The following FBXO41 variants were observed in gnomAD, a reference collection of about 807,000 sequenced individuals.
FBXO41 encodes F-box protein 41, also known as F-box only protein 41.
A neutral mutation model predicts 81.6 loss-of-function variants in FBXO41; 33 were observed. That is an observed-to-expected ratio of 0.40 (90% CI 0.31 to 0.54). The LOEUF is 0.54. Among genes scored for constraint, FBXO41 ranks in the 20% least tolerant of loss-of-function variants. FBXO41 has a pLI of 0.39. For missense variants in FBXO41, 1,107 were observed against 1,236.0 expected (o/e 0.90, Z 1.56); for synonymous variants, 576 against 552.7 (o/e 1.04, Z -0.59).
intron 1 of FBXO41, among the ~76,000 whole-genome samples, chr2:73,279,365 A>G (rs1271065852): frequency 6.6e-6 from 1 of 152,226 alleles, no homozygotes; most frequent in East Asian, 1.9e-4. Context: ...ACACGGAGCC[A>G]AAAATACAGT....
At position 73,258,981 on chromosome 2, in the gene FBXO41, G is replaced by C; in HGVS notation, c.*1C>G. Reference sequence around the variant, plus strand: ...AGGGGCCCTGCCGCCCCCTACCCGGGTTAGCAGCCGCCTTCCACCTTGATG... The same window carrying C: ...AGGGGCCCTGCCGCCCCCTACCCGGCTTAGCAGCCGCCTTCCACCTTGATG... On this transcript the variant is annotated 3_prime_UTR_variant, in exon 13 of 13. Transcript: ENST00000520530. 2.5e-6 allele frequency: 4 copies of C among 1,574,964 alleles called. No homozygotes were observed. The highest frequency in any genetic ancestry group is 3.4e-6 in the Non-Finnish European group (4 of 1,160,696).
At chr2:73,276,560 C>CAG (rs533998261) in intron 1 of FBXO41, among the ~76,000 whole-genome samples, 5,646 of 106,308 alleles carry the variant, frequency 0.053, 124 homozygotes, top group East Asian at 0.1. Flanking sequence ...CAAATCTATT[C>CAG]AGAGAGAGAG....
In FBXO41 at chr2:73,260,680, C is replaced by T; in HGVS notation, c.2290+60G>A. On this transcript the variant is annotated intron_variant, in intron 10 of 12. Transcript: ENST00000520530. The surrounding 1 kb of genome is among the most constrained non-coding windows in gnomAD (Gnocchi z 5.0). The stretch of plus-strand genomic sequence containing the variant: ...CAAGCCCCTGTGGGATTTCACAAGG[C>T]AGCACTGCACCCATGCCTGCTTCCC... 1.3e-6 allele frequency: 2 copies of T among 1,510,338 alleles called. No homozygotes were observed. The highest frequency in any genetic ancestry group is 2.5e-5 in the South Asian group (2 of 78,816). 93.6% of individuals were successfully genotyped at this position (1,510,338 alleles called of 1,614,324 possible). A position where few individuals can be genotyped will look rare whatever the true frequency, so the allele number is the denominator to read the frequency against.
Position 73,260,577 on chromosome 2 carries a change from GAC to G in FBXO41, c.2291-32_2291-31del, listed in dbSNP as rs1687975769. The G allele has an allele frequency of 1.3e-6, 2 of 1,566,228 alleles. No homozygotes were observed. The highest frequency in any genetic ancestry group is 2.7e-5 in the African/African-American group (2 of 73,658). On this transcript the variant is annotated intron_variant, in intron 10 of 12. Transcript: ENST00000520530. This position sits in a 1 kb window ranked among gnomAD's most constrained non-coding sequence, Gnocchi z 5.0. ...GAAGAGGAAGAAGGGGGATCCTGCT[GAC>G]ACACTCCCCAGGTCACCCCTGCAGC...
chr2:73,267,787 G>T (rs1205304030), intron 2 of FBXO41, among the ~76,000 whole-genome samples: 1 of 152,170 alleles, frequency 6.6e-6, no homozygotes, highest in Non-Finnish European at 1.5e-5. Flanking sequence ...TTAGCCTACA[G>T]TTGGACAAAG....
intron 1 of FBXO41, among the ~76,000 whole-genome samples, chr2:73,277,197 T>C (rs2103911367): frequency 6.6e-6 from 1 of 152,304 alleles, no homozygotes; most frequent in East Asian, 1.9e-4. Context: ...CAGGTGCCTC[T>C]TCACCCCAGG....
At position 73,269,636 on chromosome 2, in the gene FBXO41, C is replaced by T; in HGVS notation, c.-6G>A. 1 of 1,194,008 alleles carries T rather than the reference C, an allele frequency of 8.4e-7. No individual in the cohort carries two copies. The highest frequency in any genetic ancestry group is 1.0e-6 in the Non-Finnish European group (1 of 963,352). The allele number at this position is 1,194,008 out of a possible 1,614,324, so 74.0% of individuals were successfully genotyped here. A position where few individuals can be genotyped will look rare whatever the true frequency, so the allele number is the denominator to read the frequency against. On this transcript the variant is annotated 5_prime_UTR_variant, in exon 2 of 13. Transcript: ENST00000520530. The surrounding 1 kb of genome is among the most constrained non-coding windows in gnomAD (Gnocchi z 7.0). ...GGCAGGTCCAGCGAGGCCATGGCCC[C>T]GCCGCCCCCGCGGCACGCGGGCTCC...
chr2:73,277,206 G>A (rs764441486), intron 1 of FBXO41, among the ~76,000 whole-genome samples: 55 of 152,196 alleles, frequency 3.6e-4, no homozygotes, highest in Admixed American at 7.9e-4. Flanking sequence ...CTTCACCCCA[G>A]GCCAGCCCTC....
At chr2:73,280,145 C>T (rs1044835263) in intron 1 of FBXO41, among the ~76,000 whole-genome samples, 2 of 151,196 alleles carry the variant, frequency 1.3e-5, no homozygotes, top group African/African-American at 4.9e-5. Flanking sequence ...CAAAACGCCA[C>T]CCTGGCAAGC....
chr2:73,278,444 G>A (rs749279925), intron 1 of FBXO41, among the ~76,000 whole-genome samples: 13 of 152,140 alleles, frequency 8.5e-5, no homozygotes, highest in East Asian at 7.7e-4. Context: ...ATTCAAACAC[G>A]AATTTATTCT....
rs542675507 is a variant in FBXO41 at position 73,263,652 on chromosome 2, G to A, written c.2075+26C>T. 1.6e-5 allele frequency: 25 copies of A among 1,611,784 alleles called. No homozygotes were observed. The South Asian group carries it at 2.4e-4, about 16-fold the overall frequency. Reference sequence around the variant, plus strand: ...AGGACCCTGGGCTTAGAGGGAACAGGCCATGCTTCTAGTCGGTTGACCCAC... The same window carrying A: ...AGGACCCTGGGCTTAGAGGGAACAGACCATGCTTCTAGTCGGTTGACCCAC... On this transcript the variant is annotated intron_variant, in intron 8 of 12. Coordinates refer to ENST00000520530, the MANE Select transcript of FBXO41 (RefSeq NM_001371389.2).
At chr2:73,273,742 G>A (rs1558591008) in intron 1 of FBXO41, among the ~76,000 whole-genome samples, 1 of 152,216 alleles carries the variant, frequency 6.6e-6, no homozygotes, top group Non-Finnish European at 1.5e-5. Context: ...CTCTAACCCA[G>A]GACTTGACCA....
In FBXO41 at chr2:73,269,700, G is replaced by A. The variant is rs879275345; in HGVS notation, c.-70C>T. The A allele has an allele frequency of 1.9e-6, 2 of 1,079,526 alleles. No individual in the cohort carries two copies. Among genetic ancestry groups the A allele is most frequent in the Non-Finnish European group, 2.3e-6 (2 of 883,510 alleles). 66.9% of individuals were successfully genotyped at this position (1,079,526 alleles called of 1,614,324 possible). A position where few individuals can be genotyped will look rare whatever the true frequency, so the allele number is the denominator to read the frequency against. On this transcript the variant is annotated 5_prime_UTR_variant, in exon 2 of 13. Transcript: ENST00000520530. This position sits in a 1 kb window ranked among gnomAD's most constrained non-coding sequence, Gnocchi z 7.0. ...CGCCGGTCAGCCGGGCGCGCTCATG[G>A]GGGACCGCGGGCGAGGCCCCCTGCG...
Position 73,259,021 on chromosome 2 carries a change from G to T in FBXO41, c.2589C>A (p.Phe863Leu). The T allele has an allele frequency of 6.3e-7, 1 of 1,598,928 alleles. No homozygotes were observed. Among genetic ancestry groups the T allele is most frequent in the Non-Finnish European group, 8.5e-7 (1 of 1,172,836 alleles). Residue 863 changes from phenylalanine to leucine, a missense_variant, in exon 13 of 13, where the codon TTC (phenylalanine) becomes TTA (leucine). Physicochemically the swap from Phe to Leu is conservative, Grantham distance 22 (BLOSUM62 0). Transcript: ENST00000520530. The surrounding 1 kb of genome is among the most constrained non-coding windows in gnomAD (Gnocchi z 4.2). Reference protein sequence around the residue: ...KLQALRRRPGFSKILHIKVEG... With the variant: ...KLQALRRRPGLSKILHIKVEG... Reference sequence around the variant, plus strand: ...CCACCTTGATGTGCAGAATCTTAGAGAAGCCGGGCCTCCGTCGCAGAGCCT... The same window carrying T: ...CCACCTTGATGTGCAGAATCTTAGATAAGCCGGGCCTCCGTCGCAGAGCCT...
Position 73,259,041 on chromosome 2 carries a change from G to T in FBXO41, c.2569C>A (p.Leu857Met). Residue 857 changes from leucine to methionine, a missense_variant, in exon 13 of 13, where the codon CTG (leucine) becomes ATG (methionine). Transcript: ENST00000520530. The surrounding 1 kb of genome is among the most constrained non-coding windows in gnomAD (Gnocchi z 4.2). The stretch of plus-strand genomic sequence containing the variant: ...TTAGAGAAGCCGGGCCTCCGTCGCA[G>T]AGCCTGCGGACCGAACCCTGGGTTA... ...FEDMVTKLQA[L>M]RRRPGFSKIL... 6.2e-7 allele frequency: 1 copy of T among 1,603,568 alleles called. No individual in the cohort carries two copies. Among genetic ancestry groups the T allele is most frequent in the East Asian group, 2.3e-5 (1 of 44,316 alleles).
Position 73,269,053 on chromosome 2 carries a change from G to C in FBXO41, c.578C>G (p.Pro193Arg), listed in dbSNP as rs1425726355. The change falls in exon 2 of 13, where the codon CCC becomes CGC. Residue 193 changes from proline (P) to arginine (R), a missense_variant. Physicochemically the swap from Pro to Arg is moderately radical, Grantham distance 103. Transcript: ENST00000520530. The surrounding 1 kb of genome is among the most constrained non-coding windows in gnomAD (Gnocchi z 7.0). ...GCCCTCTTCGTAGGCCACATCAGCG[G>C]GTGAGGGGGACGCGGGCGAAGCGGA... Reference protein sequence around the residue: ...PASASPASPSPADVAYEEGLA... With the variant: ...PASASPASPSRADVAYEEGLA... 3 of 1,530,034 alleles carry C rather than the reference G, an allele frequency of 2.0e-6. No homozygotes were observed. The highest frequency in any genetic ancestry group is 2.4e-5 in the South Asian group (2 of 83,050). The allele number at this position is 1,530,034 out of a possible 1,614,324, so 94.8% of individuals were successfully genotyped here.
Position 73,265,502 on chromosome 2 carries a change from G to A in FBXO41, c.1344C>T (p.Asn448=), listed in dbSNP as rs371501088. 9.4e-5 allele frequency: 150 copies of A among 1,596,966 alleles called. No individual in the cohort carries two copies. Among genetic ancestry groups the A allele is most frequent in the African/African-American group, 3.9e-4 (29 of 74,842 alleles). The stretch of plus-strand genomic sequence containing the variant: ...GGGGCTGGGACCGCTCTGAGCCCCC[G>A]TTGGCAGCCTGGGCCCGTGTGCCCA... ...GGLGTRAQAA[N]GGSERSQPPR... is the part of the protein sequence containing the mutation. The change falls in exon 5 of 13, where the codon AAC becomes AAT. Residue 448 remains asparagine, a synonymous_variant. Coordinates refer to ENST00000520530, the MANE Select transcript of FBXO41 (RefSeq NM_001371389.2).
chr2:73,273,555 G>A (rs771645296), intron 1 of FBXO41, among the ~76,000 whole-genome samples: 3 of 152,162 alleles, frequency 2.0e-5, no homozygotes, highest in Non-Finnish European at 4.4e-5. Context: ...AATCACAGTG[G>A]TCAGGTCAGT....
intron 2 of FBXO41, 52 bp downstream of exon 2, chr2:73,268,674 A>T (rs1252391689): frequency 2.3e-5 from 33 of 1,450,848 alleles, no homozygotes; most frequent in Non-Finnish European, 2.8e-5. Context: ...TGGTGGTGGC[A>T]CAGTGACCCG....
Sources: allele counts gnomAD v4.1 joint callset (sites outside exome capture counted in the v4.1 genomes callset), GRCh38; gene constraint gnomAD v4.1.1; non-coding constraint Gnocchi (gnomAD v3.1); transcripts MANE v1.5; gene names NCBI Gene and HGNC (gene_info 2026-07-23, HGNC 2026-07-21).